Variants in STK10 observed in about 807,000 individuals in gnomAD.
STK10 encodes the protein serine/threonine kinase 10, also known as serine/threonine-protein kinase 10.
STK10 carries 78 observed loss-of-function variants against 113.8 expected under a neutral mutation model. The observed-to-expected ratio is 0.69, with a 90% CI of 0.57 to 0.83. STK10 has a LOEUF of 0.83. STK10 is among the 40% of genes least tolerant of loss of function. STK10 has a pLI of 0.00. For synonymous variants in STK10, 465 were observed against 494.7 expected, an observed-to-expected ratio of 0.94 and a Z score of 0.80; for missense variants, 1,109 against 1,280.1, an observed-to-expected ratio of 0.87 and a Z score of 2.04.
chr5:172,183,339 C>T (rs890246473), intron 1 of STK10, among the ~76,000 whole-genome samples: 3 of 152,172 alleles, frequency 2.0e-5, no homozygotes, highest in Non-Finnish European at 2.9e-5. Flanking sequence ...CAAGCACACC[C>T]GCTAAAGTCA....
chr5:172,082,891 A>G lies in STK10; in HGVS notation c.1809+70T>C. ...TCTCCACTACCCAATCATTCCCACT[A>G]TGTAGCTTCCACTGAGAGAACACCT... On this transcript the variant is annotated intron_variant, in intron 11 of 18. Coordinates refer to ENST00000176763, the MANE Select transcript of STK10 (RefSeq NM_005990.4). The surrounding 1 kb of genome is among the most constrained non-coding windows in gnomAD (Gnocchi z 4.3). The G allele has an allele frequency of 3.1e-6, 5 of 1,588,966 alleles. No individual in the cohort carries two copies. Among genetic ancestry groups the G allele is most frequent in the Non-Finnish European group, 4.3e-6 (5 of 1,169,162 alleles).
In STK10 at chr5:172,093,414, T is replaced by C; in HGVS notation, c.1552A>G (p.Lys518Glu). 1.3e-6 allele frequency: 2 copies of C among 1,591,034 alleles called. No individual in the cohort carries two copies. Among genetic ancestry groups the C allele is most frequent in the Non-Finnish European group, 1.7e-6 (2 of 1,162,812 alleles). Residue 518 changes from lysine (K) to glutamate (E), a missense_variant and splice_region_variant, in exon 9 of 19, where the codon AAG becomes GAG. Coordinates refer to ENST00000176763, the MANE Select transcript of STK10 (RefSeq NM_005990.4). This position sits in a 1 kb window ranked among gnomAD's most constrained non-coding sequence, Gnocchi z 4.1. The stretch of plus-strand genomic sequence containing the variant: ...CGTGGTGGCAGAGGCGGTGTTACCT[T>C]GATGGACAGAGAGCCCATCTCTTTG... ...LNKEMGSLSI[K>E]DPKLYKKTLK...
intron 2 of STK10, among the ~76,000 whole-genome samples, chr5:172,130,352 A>G (rs1581170388): frequency 6.6e-6 from 1 of 152,238 alleles, no homozygotes; most frequent in East Asian, 1.9e-4. Flanking sequence ...CCAAAATGGC[A>G]AAACCCCGTC....
chr5:172,185,325 GT>G lies in STK10; in HGVS notation c.156+2561del, dbSNP rs543546097. 2.0e-5 allele frequency among the ~76,000 whole-genome samples: 3 copies of G among 152,170 alleles called. No homozygotes were observed. The East Asian group carries it at 5.8e-4, about 29-fold the overall frequency. On this transcript the variant is annotated intron_variant, in intron 1 of 18. Transcript: ENST00000176763. Reference sequence around the variant, plus strand: ...CGCTCTGTCGCCAGGCTGGAGTGCAGTGGCGCTATCTCAGCTCACTGCACCC... The same window carrying G: ...CGCTCTGTCGCCAGGCTGGAGTGCAGGGCGCTATCTCAGCTCACTGCACCC...
chr5:172,136,371 T>C lies in STK10; in HGVS notation c.322-8950A>G, dbSNP rs888322968. Among the ~76,000 whole-genome samples the C allele has an allele frequency of 1.3e-5, 2 of 151,998 alleles. 1 individual carries two copies. The highest frequency in any genetic ancestry group is 4.2e-4 in the South Asian group (2 of 4,814). ...CAGCACTTTGGAAGGCCGAGGCGGG[T>C]GGACACGTGAGGTCAGGAGTTCGAG... On this transcript the variant is annotated intron_variant, in intron 2 of 18. Transcript: ENST00000176763.
At chr5:172,069,566 C>T (rs530917439) in intron 12 of STK10, among the ~76,000 whole-genome samples, 151 of 151,980 alleles carry the variant, frequency 9.9e-4, no homozygotes, top group African/African-American at 3.4e-3. Context: ...GCACTCTGGG[C>T]AACATAGTTA....
In STK10 at chr5:172,044,558, G is replaced by C. The variant is rs552519523; in HGVS notation, c.*324C>G. On this transcript the variant is annotated 3_prime_UTR_variant, in exon 19 of 19. Transcript: ENST00000176763. This position sits in a 1 kb window ranked among gnomAD's most constrained non-coding sequence, Gnocchi z 4.5. Reference sequence around the variant, plus strand: ...TATTTTCGCAAACAGGAGAGGACTCGAGGCCACAGAACACCCATTCCTCTT... The same window carrying C: ...TATTTTCGCAAACAGGAGAGGACTCCAGGCCACAGAACACCCATTCCTCTT... 165 of 375,946 alleles carry C rather than the reference G, an allele frequency of 4.4e-4. No homozygotes were observed. Among genetic ancestry groups the C allele is most frequent in the Non-Finnish European group, 7.6e-4 (153 of 201,702 alleles). The allele number at this position is 375,946 out of a possible 1,614,324, so 23.3% of individuals were successfully genotyped here.
chr5:172,104,362 A>C (rs1348604588), intron 7 of STK10, among the ~76,000 whole-genome samples: 1 of 152,146 alleles, frequency 6.6e-6, no homozygotes. Context: ...CACCGACCTC[A>C]CCCAGCCTCC....
chr5:172,045,276 C>A, intron 18 of STK10: 1 of 609,796 alleles, frequency 1.6e-6, no homozygotes, highest in Non-Finnish European at 2.9e-6. Flanking sequence ...TCAATCTAGA[C>A]GGGGCAGGGA....
chr5:172,045,327 C>T, intron 18 of STK10: 1 of 537,806 alleles, frequency 1.9e-6, no homozygotes. Context: ...AGGAAAACAG[C>T]CAAATGACTG....
In STK10 at chr5:172,055,451, A is replaced by G. The variant is rs555110919; in HGVS notation, c.2526+137T>C. ...GTGACCCGCCCGCCTCGGCCTCTCA[A>G]AGTGTTGGGATTACAGACGTGAGCC... On this transcript the variant is annotated intron_variant, in intron 16 of 18. Coordinates refer to ENST00000176763, the MANE Select transcript of STK10 (RefSeq NM_005990.4). 226 of 946,162 alleles carry G rather than the reference A, an allele frequency of 2.4e-4. 2 individuals are homozygous for G. The South Asian group carries it at 9.0e-3, about 38-fold the overall frequency. 58.6% of individuals were successfully genotyped at this position (946,162 alleles called of 1,614,324 possible).
chr5:172,087,251 T>C (rs1476754682), intron 10 of STK10, among the ~76,000 whole-genome samples: 1 of 133,418 alleles, frequency 7.5e-6, no homozygotes, highest in Admixed American at 7.0e-5. Context: ...TTTATTTGGT[T>C]TTGGCTTATT....
At chr5:172,081,312 C>G (rs2113729322) in intron 12 of STK10, among the ~76,000 whole-genome samples, 1 of 144,918 alleles carries the variant, frequency 6.9e-6, no homozygotes, top group Middle Eastern at 3.7e-3. Context: ...GATTGTGCCA[C>G]TGCACTCCAG....
At chr5:172,073,950 G>A (rs1437034049) in intron 12 of STK10, among the ~76,000 whole-genome samples, 1 of 150,184 alleles carries the variant, frequency 6.7e-6, no homozygotes, top group Non-Finnish European at 1.5e-5. Flanking sequence ...AGGTGACAGA[G>A]CAAGACTCTG....
chr5:172,112,549 T>G (rs967439856), intron 4 of STK10, among the ~76,000 whole-genome samples: 2 of 140,928 alleles, frequency 1.4e-5, no homozygotes, highest in African/African-American at 5.3e-5. Context: ...GCCTCCCAAG[T>G]AGCTGGCACT....
intron 12 of STK10, among the ~76,000 whole-genome samples, chr5:172,072,548 G>A (rs964258553): frequency 1.3e-5 from 2 of 152,174 alleles, no homozygotes; most frequent in Non-Finnish European, 2.9e-5. Flanking sequence ...GATTACAGGC[G>A]TGAGCCACCG....
rs1182949055 is a variant in STK10, at chr5:172,133,762, G to A, written c.322-6341C>T. ...GACTTTTTAGGCAGAATATGCAAAC[G>A]AATTAATTTCTGCGCTGTTTAGTAG... On this transcript the variant is annotated intron_variant, in intron 2 of 18. Coordinates refer to ENST00000176763, the MANE Select transcript of STK10 (RefSeq NM_005990.4). This position sits in a 1 kb window ranked among gnomAD's most constrained non-coding sequence, Gnocchi z 4.9. Among the ~76,000 whole-genome samples, 4 of 152,200 alleles carry A rather than the reference G, an allele frequency of 2.6e-5. No individual in the cohort carries two copies. Among genetic ancestry groups the A allele is most frequent in the Admixed American group, 2.0e-4 (3 of 15,284 alleles).
chr5:172,045,816 A>G (rs1299503457), intron 18 of STK10, among the ~76,000 whole-genome samples: 1 of 151,972 alleles, frequency 6.6e-6, no homozygotes, highest in African/African-American at 2.4e-5. Flanking sequence ...CAGCCTCCCC[A>G]GTAGCTGGGA....
At chr5:172,051,486 A>G (rs776712937) in intron 18 of STK10, among the ~76,000 whole-genome samples, 2 of 151,936 alleles carry the variant, frequency 1.3e-5, no homozygotes, top group Non-Finnish European at 2.9e-5. Flanking sequence ...CTAGCCAGGC[A>G]TAGTGGCATG....
Sources: allele counts gnomAD v4.1 joint callset (sites outside exome capture counted in the v4.1 genomes callset), GRCh38; gene constraint gnomAD v4.1.1; non-coding constraint Gnocchi (gnomAD v3.1); transcripts MANE v1.5; gene names NCBI Gene and HGNC (gene_info 2026-07-23, HGNC 2026-07-21).